Variants in BMERB1 observed in about 807,000 individuals in gnomAD.
BMERB1 encodes bMERB domain-containing protein 1.
Under a neutral mutation model 23.6 loss-of-function variants are expected in BMERB1, and 12 were observed. The ratio of observed to expected loss-of-function variants is 0.51; its 90% CI spans 0.33 to 0.82. BMERB1 has a LOEUF of 0.82. BMERB1 is among the 40% of genes least tolerant of loss of function. BMERB1 has a pLI of 0.03. For synonymous variants in BMERB1, 122 were observed against 96.6 expected (o/e 1.26, Z -1.54); for missense variants, 247 against 255.4 (o/e 0.97, Z 0.22).
intron 2 of BMERB1, among the ~76,000 whole-genome samples, chr16:15,562,320 A>AC (rs2030445994): frequency 6.6e-6 from 1 of 150,794 alleles, no homozygotes; most frequent in Non-Finnish European, 1.5e-5. Context: ...AAAAAAAAAA[A>AC]CATAAATAAA....
At chr16:15,479,798 A>G (rs1466116600) in intron 1 of BMERB1, among the ~76,000 whole-genome samples, 1 of 151,828 alleles carries the variant, frequency 6.6e-6, no homozygotes, top group East Asian at 1.9e-4. Context: ...TAAATTATTA[A>G]GGCCAGGTGT....
intron 1 of BMERB1, among the ~76,000 whole-genome samples, chr16:15,441,530 A>G (rs2050939045): frequency 1.3e-5 from 2 of 152,094 alleles, no homozygotes; most frequent in Admixed American, 6.6e-5. Flanking sequence ...GGTGCCCACC[A>G]CCATGCCTGG....
chr16:15,459,472 G>A (rs2051117333), intron 1 of BMERB1, among the ~76,000 whole-genome samples: 1 of 152,152 alleles, frequency 6.6e-6, no homozygotes, highest in Admixed American at 6.5e-5. Context: ...GAGAGCAGGA[G>A]TGGCTATATT....
intron 1 of BMERB1, among the ~76,000 whole-genome samples, chr16:15,500,062 G>C (rs1456277564): frequency 6.6e-6 from 1 of 152,178 alleles, no homozygotes; most frequent in Non-Finnish European, 1.5e-5. Context: ...TTGGCTCTTT[G>C]CAACTTATCA....
intron 1 of BMERB1, among the ~76,000 whole-genome samples, chr16:15,485,760 G>A (rs2051363807): frequency 6.6e-6 from 1 of 151,304 alleles, no homozygotes; most frequent in Non-Finnish European, 1.5e-5. Context: ...CTAAAGTAGA[G>A]CCCAAAACCA....
chr16:15,474,535 A>G (rs1001448996), intron 1 of BMERB1, among the ~76,000 whole-genome samples: 1 of 151,770 alleles, frequency 6.6e-6, no homozygotes, highest in Non-Finnish European at 1.5e-5. Context: ...ACACTCTGCT[A>G]AATTTTTTTG....
chr16:15,464,561 G>A (rs1388968761), intron 1 of BMERB1, among the ~76,000 whole-genome samples: 1 of 152,176 alleles, frequency 6.6e-6, no homozygotes, highest in Non-Finnish European at 1.5e-5. Flanking sequence ...TGATCGTATG[G>A]TAAACAAGAG....
At chr16:15,462,442 A>C (rs144442372) in intron 1 of BMERB1, among the ~76,000 whole-genome samples, 6 of 151,992 alleles carry the variant, frequency 3.9e-5, no homozygotes, top group African/African-American at 1.4e-4. Context: ...GTGAGCCACC[A>C]CACCTGGCCT....
chr16:15,487,021 A>T (rs2051374604), intron 1 of BMERB1, among the ~76,000 whole-genome samples: 1 of 152,230 alleles, frequency 6.6e-6, no homozygotes, highest in Admixed American at 6.5e-5. Context: ...TCATTTCATT[A>T]TGACAGATTG....
At chr16:15,462,632 G>T (rs1046505707) in intron 1 of BMERB1, among the ~76,000 whole-genome samples, 2 of 152,100 alleles carry the variant, frequency 1.3e-5, no homozygotes, top group African/African-American at 4.8e-5. Flanking sequence ...CTGGAGAAGG[G>T]AACAGCCTGA....
In BMERB1 at chr16:15,581,506, A is replaced by G. The variant is rs566078362; in HGVS notation, c.419+175A>G. 3.3e-4 allele frequency: 176 copies of G among 535,686 alleles called. 1 individual carries two copies. Among genetic ancestry groups the G allele is most frequent in the Admixed American group, 5.7e-4 (17 of 29,728 alleles). 33.2% of individuals were successfully genotyped at this position (535,686 alleles called of 1,614,324 possible). A position where few individuals can be genotyped will look rare whatever the true frequency, so the allele number is the denominator to read the frequency against. On this transcript the variant is annotated intron_variant, in intron 4 of 5. Transcript: ENST00000300006. ...CCCCAGCCTTCTGGCTTGAGAATTCATTTTGTATATAAGAGAATTTCAAAT... is the reference window on the plus strand; with the variant it reads ...CCCCAGCCTTCTGGCTTGAGAATTCGTTTTGTATATAAGAGAATTTCAAAT...
At chr16:15,517,390 A>G (rs1285415498) in intron 2 of BMERB1, among the ~76,000 whole-genome samples, 23 of 152,142 alleles carry the variant, frequency 1.5e-4, no homozygotes, top group Non-Finnish European at 2.5e-4. Flanking sequence ...GTGCGCCTAT[A>G]ATCCCAGCTA....
intron 1 of BMERB1, among the ~76,000 whole-genome samples, chr16:15,499,972 A>G (rs935771306): frequency 1.3e-5 from 2 of 152,230 alleles, no homozygotes; most frequent in Non-Finnish European, 2.9e-5. Flanking sequence ...AATATAGTTA[A>G]TAGCAATGTG....
rs71152431 is a variant in BMERB1, at chr16:15,462,137, C to CTTT, written c.106+27408_106+27410dup. On this transcript the variant is annotated intron_variant, in intron 1 of 5. Transcript: ENST00000300006. Reference sequence around the variant, plus strand: ...ATTCAAAGTTAACTGGATGTCCTGCCTTTTTTTTTTTTTTTTTTTTTTTTT... The same window carrying CTTT: ...ATTCAAAGTTAACTGGATGTCCTGCCTTTTTTTTTTTTTTTTTTTTTTTTTTTT... 4.0e-4 allele frequency among the ~76,000 whole-genome samples: 23 copies of CTTT among 56,968 alleles called. 3 individuals carry two copies. The highest frequency in any genetic ancestry group is 2.2e-3 in the East Asian group (4 of 1,782). 37.4% of individuals were successfully genotyped at this position (56,968 alleles called of 152,430 possible).
At chr16:15,456,145 A>T (rs745399463) in intron 1 of BMERB1, among the ~76,000 whole-genome samples, 1 of 152,126 alleles carries the variant, frequency 6.6e-6, no homozygotes, top group South Asian at 2.1e-4. Flanking sequence ...TCAGGAAGAA[A>T]ATTTCCCACC....
rs577564855 is a variant in BMERB1, at chr16:15,587,607, G to C, written c.*778G>C. On this transcript the variant is annotated 3_prime_UTR_variant, in exon 6 of 6. Transcript: ENST00000300006. ...GTCAAGGCCAGAGCAGTTGAGAATG[G>C]GACCCAGAGTAGATGCTGACCTGGG... is the stretch of plus-strand genomic sequence containing the variant. The C allele has an allele frequency of 2.3e-6, 1 of 443,860 alleles. No individual in the cohort carries two copies. Among genetic ancestry groups the C allele is most frequent in the African/African-American group, 2.0e-5 (1 of 49,782 alleles). 27.5% of individuals were successfully genotyped at this position (443,860 alleles called of 1,614,324 possible).
intron 2 of BMERB1, among the ~76,000 whole-genome samples, chr16:15,534,034 A>G (rs572530103): frequency 5.3e-5 from 8 of 152,212 alleles, no homozygotes; most frequent in African/African-American, 1.9e-4. Context: ...CCAACTGAAT[A>G]TGAAACTCAG....
At chr16:15,506,829 A>G (rs1329658606) in intron 1 of BMERB1, among the ~76,000 whole-genome samples, 4 of 152,240 alleles carry the variant, frequency 2.6e-5, no homozygotes, top group Non-Finnish European at 5.9e-5. Flanking sequence ...GCAGCACCCA[A>G]TTAAAGCCTT....
At chr16:15,460,480 C>CGTTT in intron 1 of BMERB1, among the ~76,000 whole-genome samples, 1 of 152,084 alleles carries the variant, frequency 6.6e-6, no homozygotes, top group Non-Finnish European at 1.5e-5. Flanking sequence ...CCCAACAAAC[C>CGTTT]ATTTAATAAA....
Sources: allele counts gnomAD v4.1 joint callset (sites outside exome capture counted in the v4.1 genomes callset), GRCh38; gene constraint gnomAD v4.1.1; transcripts MANE v1.5; gene names NCBI Gene and HGNC (gene_info 2026-07-23, HGNC 2026-07-21).